Variants in MIR2052HG observed in about 807,000 individuals in gnomAD.
MIR2052HG encodes MIR2052 host gene.
intron 2 of MIR2052HG, among the ~76,000 whole-genome samples, chr8:74,675,872 C>T (rs1285687616): frequency 2.6e-5 from 4 of 151,912 alleles, no homozygotes; most frequent in Non-Finnish European, 5.9e-5. Flanking sequence ...TTAGTACATG[C>T]TTCCTAAATG....
chr8:74,707,280 C>T (rs1272970720), intron 4 of MIR2052HG, among the ~76,000 whole-genome samples: 3 of 152,132 alleles, frequency 2.0e-5, no homozygotes, highest in Non-Finnish European at 4.4e-5. Flanking sequence ...CTAATGGCCA[C>T]ATCTGCCCAG....
In MIR2052HG at chr8:74,602,575, G is replaced by T. The variant is rs535063615; in HGVS notation, n.128+2667G>T. On this transcript the variant is annotated intron_variant and non_coding_transcript_variant, in intron 1 of 6. Transcript: ENST00000523442. Reference sequence around the variant, plus strand: ...TGCCCAGGCTGGAGTGCAGTGGCGCGATCTCGGCTCTCTGCAACCTCTGCC... The same window carrying T: ...TGCCCAGGCTGGAGTGCAGTGGCGCTATCTCGGCTCTCTGCAACCTCTGCC... Among the ~76,000 whole-genome samples the T allele has an allele frequency of 1.5e-4, 23 of 150,722 alleles. No homozygotes were observed. The South Asian group carries it at 4.8e-3, about 32-fold the overall frequency.
chr8:74,731,159 T>C (rs1221771064), intron 4 of MIR2052HG, among the ~76,000 whole-genome samples: 1 of 152,192 alleles, frequency 6.6e-6, no homozygotes, highest in Non-Finnish European at 1.5e-5. Flanking sequence ...GTTGTCATGA[T>C]GGTAGCGATA....
intron 4 of MIR2052HG, among the ~76,000 whole-genome samples, chr8:74,734,758 C>T (rs564672373): frequency 3.9e-5 from 6 of 152,230 alleles, no homozygotes; most frequent in Admixed American, 6.5e-5. Flanking sequence ...AACAGGAGCC[C>T]CTGCTGACCC....
chr8:74,628,095 G>C (rs1052239266), intron 2 of MIR2052HG, among the ~76,000 whole-genome samples: 1 of 152,110 alleles, frequency 6.6e-6, no homozygotes. Flanking sequence ...ACATGGGCAC[G>C]AGGAAGAGAG....
chr8:74,681,868 G>C (rs576017391), intron 2 of MIR2052HG, among the ~76,000 whole-genome samples: 1 of 152,266 alleles, frequency 6.6e-6, no homozygotes, highest in Non-Finnish European at 1.5e-5. Context: ...ACAGTATAGA[G>C]AGACCAGAAA....
intron 4 of MIR2052HG, among the ~76,000 whole-genome samples, chr8:74,742,555 C>T (rs934317065): frequency 1.3e-5 from 2 of 151,930 alleles, no homozygotes; most frequent in African/African-American, 4.8e-5. Flanking sequence ...AGTGAGGCAC[C>T]AACCACATTA....
At chr8:74,656,867 G>C (rs945909296) in intron 2 of MIR2052HG, among the ~76,000 whole-genome samples, 1 of 152,216 alleles carries the variant, frequency 6.6e-6, no homozygotes, top group Non-Finnish European at 1.5e-5. Flanking sequence ...AAGAAGGAAT[G>C]TTTAGGGACA....
intron 2 of MIR2052HG, among the ~76,000 whole-genome samples, chr8:74,649,974 G>A (rs1159132965): frequency 6.6e-6 from 1 of 151,892 alleles, no homozygotes; most frequent in Non-Finnish European, 1.5e-5. Flanking sequence ...TTTGAAATAT[G>A]ATTTGAAATT....
chr8:74,649,225 G>A (rs1808727208), intron 2 of MIR2052HG, among the ~76,000 whole-genome samples: 1 of 152,194 alleles, frequency 6.6e-6, no homozygotes, highest in Non-Finnish European at 1.5e-5. Context: ...AGACACAGAT[G>A]CAGGTGTCTT....
At chr8:74,648,386 C>CT (rs1808715962) in intron 2 of MIR2052HG, among the ~76,000 whole-genome samples, 1 of 152,192 alleles carries the variant, frequency 6.6e-6, no homozygotes, top group African/African-American at 2.4e-5. Context: ...CTCTCGAACT[C>CT]TGTTTCCTGT....
Position 74,750,301 on chromosome 8 carries a change from A to T in MIR2052HG, n.372-2140A>T, listed in dbSNP as rs116668014. ...AATATTTTACTAGCAAATTATATTCACTGAAGAAGAGAGTGGTTCAGTTAT... is the reference window on the plus strand; with the variant it reads ...AATATTTTACTAGCAAATTATATTCTCTGAAGAAGAGAGTGGTTCAGTTAT... On this transcript the variant is annotated intron_variant and non_coding_transcript_variant, in intron 4 of 6. Coordinates refer to ENST00000523442, the Ensembl canonical transcript of MIR2052HG. 4.0e-3 allele frequency among the ~76,000 whole-genome samples: 611 copies of T among 152,324 alleles called. 5 individuals are homozygous for T. The highest frequency in any genetic ancestry group is 0.013 in the African/African-American group (543 of 41,580).
chr8:74,701,969 T>A (rs1007940509), intron 2 of MIR2052HG, among the ~76,000 whole-genome samples: 2 of 152,186 alleles, frequency 1.3e-5, no homozygotes, highest in East Asian at 3.9e-4. Context: ...GAAAGGTAAA[T>A]CTTTGAGGCA....
At position 74,709,928 on chromosome 8, in the gene MIR2052HG, T is replaced by A. The variant is rs1479048882; in HGVS notation, n.371+6246T>A. On this transcript the variant is annotated intron_variant and non_coding_transcript_variant, in intron 4 of 6. Coordinates refer to ENST00000523442, the Ensembl canonical transcript of MIR2052HG. Reference sequence around the variant, plus strand: ...TAATGATAATTTTTAAAATTGGCAGTGGTAAATAATGATAATTTTTAAAAT... The same window carrying A: ...TAATGATAATTTTTAAAATTGGCAGAGGTAAATAATGATAATTTTTAAAAT... 2.6e-5 allele frequency among the ~76,000 whole-genome samples: 4 copies of A among 152,274 alleles called. No homozygotes were observed. The East Asian group carries it at 5.8e-4, about 22-fold the overall frequency.
chr8:74,757,130 A>G (rs1810013160), intron 5 of MIR2052HG: 1 of 151,920 alleles, frequency 6.6e-6, no homozygotes, highest in South Asian at 2.1e-4. Context: ...GGTCATGCAG[A>G]GATTTGATGC....
chr8:74,660,476 C>T (rs2128736937), intron 2 of MIR2052HG, among the ~76,000 whole-genome samples: 1 of 152,282 alleles, frequency 6.6e-6, no homozygotes, highest in South Asian at 2.1e-4. Context: ...TCGGGTGGTT[C>T]AGGCTTCAGT....
At chr8:74,607,494 C>T (rs1269468940) in intron 1 of MIR2052HG, among the ~76,000 whole-genome samples, 4 of 152,034 alleles carry the variant, frequency 2.6e-5, no homozygotes, top group Admixed American at 6.6e-5. Flanking sequence ...TGCCTGTAAT[C>T]CTAGCTACTT....
intron 2 of MIR2052HG, among the ~76,000 whole-genome samples, chr8:74,664,443 T>C (rs1413805782): frequency 6.6e-6 from 1 of 152,192 alleles, no homozygotes; most frequent in Non-Finnish European, 1.5e-5. Context: ...TTATTTATCT[T>C]ACTTGAATCT....
intron 2 of MIR2052HG, among the ~76,000 whole-genome samples, chr8:74,647,846 G>T (rs943906558): frequency 6.6e-6 from 1 of 151,914 alleles, no homozygotes; most frequent in African/African-American, 2.4e-5. Context: ...AATATTTCAG[G>T]GACATTTATC....
Sources: allele counts gnomAD v4.1 joint callset (sites outside exome capture counted in the v4.1 genomes callset), GRCh38; gene constraint gnomAD v4.1.1; transcripts MANE v1.5; gene names NCBI Gene and HGNC (gene_info 2026-07-23, HGNC 2026-07-21).